Variants in BCAP29 observed in about 807,000 individuals in gnomAD.
The protein encoded by BCAP29 is B cell receptor associated protein 29.
In BCAP29, 34 loss-of-function variants were observed where a neutral mutation model predicts 31.8. The observed-to-expected ratio is 1.07, with a 90% CI of 0.81 to 1.42. BCAP29 has a LOEUF of 1.42. Among genes scored for constraint, BCAP29 ranks in the 40% most tolerant of loss-of-function variants. BCAP29 has a pLI of 0.00. For synonymous variants in BCAP29, 104 were observed against 91.3 expected, an observed-to-expected ratio of 1.14 and a Z score of -0.79; for missense variants, 314 against 269.2, an observed-to-expected ratio of 1.17 and a Z score of -1.16.
chr7:107,596,027 TA>T, intron 5 of BCAP29, 25 bp downstream of exon 5: 2 of 1,544,346 alleles, frequency 1.3e-6, no homozygotes, highest in Non-Finnish European at 1.7e-6. Flanking sequence ...TTGTAAAAAT[TA>T]AATGTTGTTG....
At chr7:107,582,362 C>T (rs1364895884) in intron 2 of BCAP29, among the ~76,000 whole-genome samples, 2 of 152,268 alleles carry the variant, frequency 1.3e-5, no homozygotes, top group African/African-American at 4.8e-5. Context: ...AAAGAAAATA[C>T]GGTATGTATG....
At chr7:107,617,409 A>T (rs1341860431) in intron 7 of BCAP29, among the ~76,000 whole-genome samples, 1 of 152,136 alleles carries the variant, frequency 6.6e-6, no homozygotes, top group Non-Finnish European at 1.5e-5. Flanking sequence ...GCACTAAATA[A>T]ATATTAGAAA....
Position 107,618,357 on chromosome 7 carries a change from A to C in BCAP29, c.720A>C (p.Arg240Ser). 1 of 1,605,522 alleles carries C rather than the reference A, an allele frequency of 6.2e-7. No individual in the cohort carries two copies. ...GTTTAGAAAGAGGCAACAAGAAAAGACTGTGAACTTTATAAAAGACACTTG... is the reference window on the plus strand; with the variant it reads ...GTTTAGAAAGAGGCAACAAGAAAAGCCTGTGAACTTTATAAAAGACACTTG... ...QDRLERGNKK[R>S]L The change falls in exon 8 of 8, where the codon AGA becomes AGC. Residue 240 changes from arginine (R) to serine (S), a missense_variant. Arg to Ser is a moderately radical substitution (Grantham distance 110, BLOSUM62 -1). Coordinates refer to ENST00000005259, the MANE Select transcript of BCAP29 (RefSeq NM_018844.4).
chr7:107,594,703 T>G (rs898876599), intron 4 of BCAP29, among the ~76,000 whole-genome samples: 2 of 151,994 alleles, frequency 1.3e-5, no homozygotes, highest in Non-Finnish European at 2.9e-5. Flanking sequence ...AGGGTTTCAC[T>G]GGGTTAGCCA....
In BCAP29 at chr7:107,585,755, C is replaced by T. The variant is rs560021965; in HGVS notation, c.193+1773C>T. Among the ~76,000 whole-genome samples, 4 of 152,268 alleles carry T rather than the reference C, an allele frequency of 2.6e-5. No homozygotes were observed. In the South Asian group the frequency reaches 8.3e-4, roughly 32 times the overall value. ...CTGTAATCTCAGCACTTCGAAAGAC[C>T]AAGGCAGGTGGATCAACCTAAGGTC... On this transcript the variant is annotated intron_variant, in intron 3 of 7. Coordinates refer to ENST00000005259, the MANE Select transcript of BCAP29 (RefSeq NM_018844.4).
chr7:107,584,372 C>G (rs570735625), intron 3 of BCAP29, among the ~76,000 whole-genome samples: 1 of 152,244 alleles, frequency 6.6e-6, no homozygotes, highest in South Asian at 2.1e-4. Context: ...ATTAGGCTCT[C>G]CAAAGGAGTC....
At position 107,597,824 on chromosome 7, in the gene BCAP29, G is replaced by T. The variant is rs536097073; in HGVS notation, c.480+1822G>T. Among the ~76,000 whole-genome samples the T allele has an allele frequency of 3.3e-5, 5 of 152,212 alleles. No homozygotes were observed. In the East Asian group the frequency reaches 9.6e-4, roughly 29 times the overall value. ...CACGTGGTACCTATGACCACTTTCT[G>T]TTCTGATATTCAGTTAAAGAAATGA... On this transcript the variant is annotated intron_variant, in intron 5 of 7. Transcript: ENST00000005259.
chr7:107,599,086 TTATATG>T (rs1810437866), intron 5 of BCAP29, among the ~76,000 whole-genome samples: 1 of 133,676 alleles, frequency 7.5e-6, no homozygotes, highest in Non-Finnish European at 1.6e-5. Context: ...TATTAAAAAT[TTATATG>T]TATATAAATA....
intron 3 of BCAP29, among the ~76,000 whole-genome samples, chr7:107,592,960 A>G (rs777902405): frequency 6.6e-6 from 1 of 152,228 alleles, no homozygotes; most frequent in East Asian, 1.9e-4. Flanking sequence ...GGGGTGACCA[A>G]AATGTTCTGA....
intron 6 of BCAP29, among the ~76,000 whole-genome samples, chr7:107,607,257 C>T (rs1349281520): frequency 6.6e-6 from 1 of 152,208 alleles, no homozygotes; most frequent in Non-Finnish European, 1.5e-5. Flanking sequence ...GCACAGGTTG[C>T]AGTGATCCAA....
intron 7 of BCAP29, among the ~76,000 whole-genome samples, chr7:107,617,866 A>T (rs1420459957): frequency 6.6e-6 from 1 of 152,078 alleles, no homozygotes; most frequent in Non-Finnish European, 1.5e-5. Flanking sequence ...TTTCTTTTCC[A>T]TTTTCCTTCA....
intron 3 of BCAP29, among the ~76,000 whole-genome samples, chr7:107,589,322 A>G (rs1231490684): frequency 6.6e-6 from 1 of 152,170 alleles, no homozygotes; most frequent in Non-Finnish European, 1.5e-5. Context: ...TAATTATGCA[A>G]CTCACCGTAA....
At chr7:107,621,530 C>G (rs1179488839), downstream of BCAP29, 1 of 365,604 alleles carries the variant, frequency 2.7e-6, no homozygotes, top group Admixed American at 3.7e-5. Flanking sequence ...ATGTTCTCTT[C>G]TATAGCAAAA....
rs116140215 is a variant in BCAP29 at position 107,609,153 on chromosome 7, T to C, written c.590-4179T>C. The stretch of plus-strand genomic sequence containing the variant: ...GTAGGAGGAGATGGACAAGGTGTTA[T>C]AACAAAAATGAGCAGCATGTAACCA... On this transcript the variant is annotated intron_variant, in intron 6 of 7. Transcript: ENST00000005259. 4.6e-3 allele frequency among the ~76,000 whole-genome samples: 695 copies of C among 152,288 alleles called. 6 individuals carry two copies. Among genetic ancestry groups the C allele is most frequent in the African/African-American group, 0.016 (671 of 41,564 alleles).
intron 6 of BCAP29, among the ~76,000 whole-genome samples, chr7:107,607,080 C>T (rs536222685): frequency 2.6e-5 from 4 of 152,234 alleles, no homozygotes; most frequent in South Asian, 4.1e-4. Context: ...TTTGGGAGGC[C>T]GGGGCAGGTG....
intron 3 of BCAP29, among the ~76,000 whole-genome samples, chr7:107,591,553 T>C (rs561813626): frequency 6.6e-6 from 1 of 151,978 alleles, no homozygotes; most frequent in African/African-American, 2.4e-5. Context: ...TACGAGCATA[T>C]GAGCCAGTTC....
Position 107,620,233 on chromosome 7 carries a change from G to C in BCAP29, c.*1870G>C, listed in dbSNP as rs1814819900. 6.6e-6 allele frequency: 1 copy of C among 152,188 alleles called. No homozygotes were observed. The highest frequency in any genetic ancestry group is 2.1e-4 in the South Asian group (1 of 4,826). 9.4% of individuals were successfully genotyped at this position (152,188 alleles called of 1,614,324 possible). ...AGTTAGATTCAGGGCCAGGCTGTAA[G>C]TCTAGAATTTAGATATCCTGATCCC... is the stretch of plus-strand genomic sequence containing the variant. On this transcript the variant is annotated 3_prime_UTR_variant, in exon 8 of 8. Coordinates refer to ENST00000005259, the MANE Select transcript of BCAP29 (RefSeq NM_018844.4).
At chr7:107,612,391 T>TTA (rs36213596) in intron 6 of BCAP29, among the ~76,000 whole-genome samples, 934 of 30,556 alleles carry the variant, frequency 0.031, 12 homozygotes, top group Non-Finnish European at 0.039. Context: ...ATGTATTGTT[T>TTA]TATATATATA....
chr7:107,593,312 T>C lies in BCAP29; in HGVS notation c.194-643T>C, dbSNP rs952636669. Among the ~76,000 whole-genome samples, 8 of 152,298 alleles carry C rather than the reference T, an allele frequency of 5.3e-5. No individual in the cohort carries two copies. The South Asian group carries it at 8.3e-4, about 16-fold the overall frequency. On this transcript the variant is annotated intron_variant, in intron 3 of 7. Transcript: ENST00000005259. ...CAATGTAGACCCTTATAAGCTGATA[T>C]CTATTTTCCACTGGAAAGAAGTGGT...
Sources: allele counts gnomAD v4.1 joint callset (sites outside exome capture counted in the v4.1 genomes callset), GRCh38; gene constraint gnomAD v4.1.1; transcripts MANE v1.5; gene names NCBI Gene and HGNC (gene_info 2026-07-23, HGNC 2026-07-21).